Variants in ARHGEF12 observed in about 807,000 individuals in gnomAD.
ARHGEF12 encodes the protein Rho guanine nucleotide exchange factor 12.
In ARHGEF12, 66 loss-of-function variants were observed where a neutral mutation model predicts 211.2. The observed-to-expected ratio is 0.31, with a 90% CI of 0.26 to 0.38. The LOEUF (loss-of-function observed/expected upper bound fraction) is 0.38. Among genes scored for constraint, ARHGEF12 ranks in the 10% least tolerant of loss-of-function variants. The pLI is 1.00. For missense variants in ARHGEF12, 1,429 were observed against 1,869.5 expected (o/e 0.76, Z 4.34); for synonymous variants, 592 against 638.4 (o/e 0.93, Z 1.09).
At chr11:120,469,191 T>G (rs1167337749) in intron 29 of ARHGEF12, 97 bp from the exon 30 acceptor site, 5 of 939,360 alleles carry the variant, frequency 5.3e-6, no homozygotes, top group Non-Finnish European at 7.9e-6. Context: ...CTTAATATGC[T>G]CTTAAAAGTA....
chr11:120,366,325 TTTA>T (rs1591506172), intron 1 of ARHGEF12, among the ~76,000 whole-genome samples: 1 of 152,172 alleles, frequency 6.6e-6, no homozygotes, highest in Non-Finnish European at 1.5e-5. Flanking sequence ...GGAGAGTTAC[TTTA>T]TTATTATTTA....
At chr11:120,421,682 C>T (rs1001243391) in intron 5 of ARHGEF12, 121 bp from the exon 6 acceptor site, 12 of 823,674 alleles carry the variant, frequency 1.5e-5, no homozygotes, top group African/African-American at 7.0e-5. Flanking sequence ...GTGATCCGCC[C>T]GCCTCGGCCT....
chr11:120,401,457 G>A (rs1286599685), intron 1 of ARHGEF12, among the ~76,000 whole-genome samples: 1 of 152,166 alleles, frequency 6.6e-6, no homozygotes, highest in Non-Finnish European at 1.5e-5. Flanking sequence ...TAATAATAGA[G>A]CAAGGCAGTT....
chr11:120,489,187 C>T lies in ARHGEF12; in HGVS notation c.*4110C>T, dbSNP rs973006916. ...GAGCATCCCTAGCAACAAGGCTAAA[C>T]CTTCATGACAGTGCTGGCAGGTGGG... On this transcript the variant is annotated 3_prime_UTR_variant, in exon 41 of 41. Transcript: ENST00000397843. The T allele has an allele frequency of 4.4e-6, 1 of 227,594 alleles. No homozygotes were observed. Among genetic ancestry groups the T allele is most frequent in the African/African-American group, 2.2e-5 (1 of 44,958 alleles). 14.1% of individuals were successfully genotyped at this position (227,594 alleles called of 1,614,324 possible). A position where few individuals can be genotyped will look rare whatever the true frequency, so the allele number is the denominator to read the frequency against.
At chr11:120,344,262 T>A in intron 1 of ARHGEF12, among the ~76,000 whole-genome samples, 1 of 67,336 alleles carries the variant, frequency 1.5e-5, no homozygotes, top group Non-Finnish European at 2.4e-5. Flanking sequence ...CAAGACTCCG[T>A]CTCAAAAAAA....
chr11:120,459,080 A>T (rs565857511), intron 25 of ARHGEF12, 94 bp from the exon 26 acceptor site: 1 of 987,688 alleles, frequency 1.0e-6, no homozygotes, highest in African/African-American at 1.7e-5. Context: ...TTTATTATAT[A>T]ATTCATTTGC....
intron 4 of ARHGEF12, among the ~76,000 whole-genome samples, chr11:120,414,396 A>G (rs1183213363): frequency 6.6e-6 from 1 of 150,608 alleles, no homozygotes; most frequent in Non-Finnish European, 1.5e-5. Context: ...CAAGGCTGTG[A>G]TTTTTTTTCT....
In ARHGEF12 at chr11:120,480,056, C is replaced by G. The variant is rs759092726; in HGVS notation, c.3863C>G (p.Ser1288Cys). ...WQHFPRYRTA[S>C]QGPQTDSVIQ... ...CATTTCCCAAGATACAGAACAGCCT[C>G]TCAGGGGCCGCAGACAGACAGTGTC... is the stretch of plus-strand genomic sequence containing the variant. The change falls in exon 38 of 41, where the codon TCT becomes TGT. Residue 1288 changes from serine (S) to cysteine (C), a missense_variant. By Grantham distance (112) the Ser-to-Cys change is moderately radical. Coordinates refer to ENST00000397843, the MANE Select transcript of ARHGEF12 (RefSeq NM_015313.3). 44 of 1,614,170 alleles carry G rather than the reference C, an allele frequency of 2.7e-5. No individual in the cohort carries two copies. Among genetic ancestry groups the G allele is most frequent in the Non-Finnish European group, 3.6e-5 (42 of 1,180,050 alleles).
At chr11:120,353,763 G>A (rs905385109) in intron 1 of ARHGEF12, among the ~76,000 whole-genome samples, 2 of 152,156 alleles carry the variant, frequency 1.3e-5, no homozygotes, top group Non-Finnish European at 1.5e-5. Flanking sequence ...GGTAAGCTTT[G>A]TCCCAGACTG....
chr11:120,431,017 C>T (rs1945510951), intron 10 of ARHGEF12, among the ~76,000 whole-genome samples: 1 of 152,100 alleles, frequency 6.6e-6, no homozygotes, highest in Non-Finnish European at 1.5e-5. Flanking sequence ...TGGCCAGGCG[C>T]AGTGGCTCAC....
chr11:120,399,347 A>G (rs796370278), intron 1 of ARHGEF12, among the ~76,000 whole-genome samples: 264 of 148,662 alleles, frequency 1.8e-3, no homozygotes, highest in African/African-American at 5.6e-3. Context: ...AAAAAAAAAA[A>G]AAAAGAAAAG....
intron 39 of ARHGEF12, among the ~76,000 whole-genome samples, chr11:120,483,555 C>T (rs1485346300): frequency 6.6e-6 from 1 of 152,026 alleles, no homozygotes; most frequent in African/African-American, 2.4e-5. Flanking sequence ...TCCTGAGTAG[C>T]TGGGATTACA....
At chr11:120,418,427 A>G (rs1245673493) in intron 4 of ARHGEF12, among the ~76,000 whole-genome samples, 1 of 152,234 alleles carries the variant, frequency 6.6e-6, no homozygotes, top group East Asian at 1.9e-4. Context: ...TTGTATGGAC[A>G]TACGACAGTT....
chr11:120,478,081 C>A, intron 36 of ARHGEF12, 75 bp from the exon 37 acceptor site: 30 of 824,200 alleles, frequency 3.6e-5, no homozygotes, highest in Non-Finnish European at 5.0e-5. Context: ...TTTTCTGATT[C>A]TTCCCTGAAT....
chr11:120,422,081 G>C (rs1945210020), intron 6 of ARHGEF12, among the ~76,000 whole-genome samples: 1 of 152,148 alleles, frequency 6.6e-6, no homozygotes. Context: ...TTCTTGAGTA[G>C]GAGAGTAATT....
Position 120,488,987 on chromosome 11 carries a change from A to G in ARHGEF12, c.*3910A>G, listed in dbSNP as rs1947468511. 3 of 218,912 alleles carry G rather than the reference A, an allele frequency of 1.4e-5. No individual in the cohort carries two copies. The allele number at this position is 218,912 out of a possible 1,614,324, so 13.6% of individuals were successfully genotyped here. A position where few individuals can be genotyped will look rare whatever the true frequency, so the allele number is the denominator to read the frequency against. On this transcript the variant is annotated 3_prime_UTR_variant, in exon 41 of 41. Coordinates refer to ENST00000397843, the MANE Select transcript of ARHGEF12 (RefSeq NM_015313.3). ...AACTTTCTGTTTTCTGGGGTCTGGGAAAATAGAAAATAAGATTTCAAATAT... is the reference window on the plus strand; with the variant it reads ...AACTTTCTGTTTTCTGGGGTCTGGGGAAATAGAAAATAAGATTTCAAATAT...
At chr11:120,472,190 A>G (rs1301143771) in intron 30 of ARHGEF12, among the ~76,000 whole-genome samples, 1 of 152,358 alleles carries the variant, frequency 6.6e-6, no homozygotes, top group Non-Finnish European at 1.5e-5. Context: ...AGGAATACAT[A>G]TAGGAATACC....
intron 1 of ARHGEF12, among the ~76,000 whole-genome samples, chr11:120,363,776 T>C (rs970629271): frequency 2.0e-5 from 3 of 152,176 alleles, no homozygotes; most frequent in African/African-American, 7.2e-5. Flanking sequence ...AGGCTCCCTC[T>C]CCTCAAGGAG....
intron 1 of ARHGEF12, among the ~76,000 whole-genome samples, chr11:120,381,005 A>T: frequency 6.6e-6 from 1 of 152,172 alleles, no homozygotes; most frequent in East Asian, 1.9e-4. Context: ...ACGTGGTACT[A>T]GAAGATGCTC....
Sources: allele counts gnomAD v4.1 joint callset (sites outside exome capture counted in the v4.1 genomes callset), GRCh38; gene constraint gnomAD v4.1.1; transcripts MANE v1.5; gene names NCBI Gene and HGNC (gene_info 2026-07-23, HGNC 2026-07-21).